The following RERE variants were observed in gnomAD, a reference collection of about 807,000 sequenced individuals.
The protein encoded by RERE is arginine-glutamic acid dipeptide repeats.
A neutral mutation model predicts 146.1 loss-of-function variants in RERE; 40 were observed. That is an observed-to-expected ratio of 0.27 (90% confidence interval 0.21 to 0.36). RERE has a LOEUF of 0.36. Ranked by LOEUF, RERE falls within the 10% of genes least tolerant of loss-of-function variation. The pLI, the probability that RERE is intolerant of heterozygous loss-of-function variation, is 1.00. For missense variants in RERE, 1,933 were observed against 2,138.7 expected (o/e 0.90, Z 1.90); for synonymous variants, 1,003 against 866.0 (o/e 1.16, Z -2.78).
intron 10 of RERE, among the ~76,000 whole-genome samples, chr1:8,488,021 C>T (rs1019200392): frequency 4.7e-5 from 7 of 149,620 alleles, no homozygotes; most frequent in South Asian, 2.1e-4. Flanking sequence ...CAGGAGATCA[C>T]GTGAGCCAAG....
chr1:8,466,285 C>T (rs1163010566), intron 10 of RERE, among the ~76,000 whole-genome samples: 1 of 152,138 alleles, frequency 6.6e-6, no homozygotes, highest in African/African-American at 2.4e-5. Context: ...CCCCTATATT[C>T]CCATAAAGCA....
At chr1:8,600,523 C>G (rs953957336) in intron 4 of RERE, among the ~76,000 whole-genome samples, 2 of 152,032 alleles carry the variant, frequency 1.3e-5, no homozygotes, top group African/African-American at 4.8e-5. Context: ...TGTAATATAT[C>G]CAAGACAATG....
At position 8,358,440 on chromosome 1, in the gene RERE, A is replaced by G. The variant is rs1641389739; in HGVS notation, c.4095T>C (p.Ala1365=). ...AGGGGTTCAGGCCCGGGTGGAAAGA[A>G]GCAAAAGGGTGGGGCCCGGCGGTCG... The part of the protein sequence containing the change: ...IPPTAGPHPF[A]SFHPGLNPLE... Residue 1365 remains alanine (A), a synonymous_variant, in exon 20 of 23, where the codon GCT becomes GCC. Coordinates refer to ENST00000400908, the MANE Select transcript of RERE (RefSeq NM_001042681.2). 1 of 1,592,092 alleles carries G rather than the reference A, an allele frequency of 6.3e-7. No individual in the cohort carries two copies. The highest frequency in any genetic ancestry group is 8.6e-7 in the Non-Finnish European group (1 of 1,165,862).
chr1:8,389,423 T>C (rs956512055), intron 12 of RERE, among the ~76,000 whole-genome samples: 1 of 152,214 alleles, frequency 6.6e-6, no homozygotes, highest in African/African-American at 2.4e-5. Context: ...GAAACCTCTG[T>C]GCCACCCCGT....
intron 12 of RERE, among the ~76,000 whole-genome samples, chr1:8,402,016 G>A (rs559963126): frequency 1.6e-4 from 24 of 152,186 alleles, no homozygotes; most frequent in African/African-American, 5.8e-4. Context: ...GGCTACAGGC[G>A]TGCGCCACCA....
intron 4 of RERE, among the ~76,000 whole-genome samples, chr1:8,576,516 A>C (rs1646296725): frequency 1.3e-5 from 2 of 152,230 alleles, no homozygotes; most frequent in South Asian, 4.1e-4. Context: ...TGAACTATTT[A>C]ATGAGTTTGT....
chr1:8,555,624 G>A (rs1645998465), intron 6 of RERE, among the ~76,000 whole-genome samples: 2 of 152,076 alleles, frequency 1.3e-5, no homozygotes, highest in African/African-American at 4.8e-5. Flanking sequence ...AAAAAAAGTA[G>A]TCTTTCACCA....
rs78979984 is a variant in RERE, at chr1:8,365,451, A to G, written c.1447+361T>C. Among the ~76,000 whole-genome samples the G allele has an allele frequency of 2.5e-4, 38 of 152,338 alleles. No homozygotes were observed. The East Asian group carries it at 7.1e-3, about 29-fold the overall frequency. ...TGATCTTCTTACAACCAAAAGTGCA[A>G]TGAGAATTCAAGCAGGACATCAAGT... On this transcript the variant is annotated intron_variant, in intron 13 of 22. Coordinates refer to ENST00000400908, the MANE Select transcript of RERE (RefSeq NM_001042681.2).
chr1:8,620,269 G>C (rs1646901563), intron 3 of RERE, among the ~76,000 whole-genome samples: 1 of 152,132 alleles, frequency 6.6e-6, no homozygotes, highest in African/African-American at 2.4e-5. Context: ...TAAGAATCCT[G>C]TGGGAAGAAC....
Position 8,354,955 on chromosome 1 carries a change from G to A in RERE, c.*132C>T. Reference sequence around the variant, plus strand: ...ACTATGTGGATACATTTTTAGTTGTGGGTTTTTAAATATATAAAGAAATCT... The same window carrying A: ...ACTATGTGGATACATTTTTAGTTGTAGGTTTTTAAATATATAAAGAAATCT... On this transcript the variant is annotated 3_prime_UTR_variant, in exon 23 of 23. Transcript: ENST00000400908. The A allele has an allele frequency of 1.4e-6, 1 of 733,422 alleles. No individual in the cohort carries two copies. Among genetic ancestry groups the A allele is most frequent in the Non-Finnish European group, 2.3e-6 (1 of 442,870 alleles). 45.4% of individuals were successfully genotyped at this position (733,422 alleles called of 1,614,324 possible).
intron 12 of RERE, among the ~76,000 whole-genome samples, chr1:8,376,064 G>A (rs1642236391): frequency 6.6e-6 from 1 of 152,220 alleles, no homozygotes; most frequent in Non-Finnish European, 1.5e-5. Context: ...GCCAAGCTCA[G>A]TTTCAATGAA....
intron 12 of RERE, among the ~76,000 whole-genome samples, chr1:8,421,991 G>A (rs1643916560): frequency 6.6e-6 from 1 of 152,152 alleles, no homozygotes; most frequent in Non-Finnish European, 1.5e-5. Context: ...ACACCACCAG[G>A]GAAGGAGATG....
intron 4 of RERE, among the ~76,000 whole-genome samples, chr1:8,586,745 T>C (rs765712177): frequency 5.3e-5 from 8 of 152,160 alleles, no homozygotes; most frequent in Non-Finnish European, 1.0e-4. Context: ...TTATGTGGTT[T>C]CTAGCTGAAA....
At chr1:8,686,896 T>G (rs1020471542) in intron 1 of RERE, among the ~76,000 whole-genome samples, 1 of 152,090 alleles carries the variant, frequency 6.6e-6, no homozygotes, top group Non-Finnish European at 1.5e-5. Flanking sequence ...CTACAGATAT[T>G]TGGAGAAACA....
chr1:8,482,523 CA>C (rs1014932279), intron 10 of RERE, among the ~76,000 whole-genome samples: 2 of 149,210 alleles, frequency 1.3e-5, no homozygotes, highest in Admixed American at 6.7e-5. Context: ...ACTAAAAATA[CA>C]AAAAAAAATT....
intron 10 of RERE, among the ~76,000 whole-genome samples, chr1:8,477,153 A>G (rs1440376836): frequency 1.3e-5 from 2 of 152,194 alleles, no homozygotes; most frequent in Non-Finnish European, 2.9e-5. Context: ...CATAGTTAAC[A>G]TGTCTACAGC....
chr1:8,454,719 C>T (rs2124085122), intron 11 of RERE, among the ~76,000 whole-genome samples: 1 of 152,026 alleles, frequency 6.6e-6, no homozygotes, highest in Admixed American at 6.5e-5. Context: ...GCGGGAGGAT[C>T]GCTTGAACCT....
At chr1:8,664,350 C>T (rs1638523822) in intron 1 of RERE, among the ~76,000 whole-genome samples, 1 of 152,068 alleles carries the variant, frequency 6.6e-6, no homozygotes, top group Non-Finnish European at 1.5e-5. Context: ...TGGGGCACTC[C>T]CTCTTTTCTC....
intron 12 of RERE, among the ~76,000 whole-genome samples, chr1:8,416,853 G>A (rs116233722): frequency 6.6e-6 from 1 of 152,090 alleles, no homozygotes; most frequent in Non-Finnish European, 1.5e-5. Context: ...GAATCCTCTG[G>A]GGGGTCCGTT....
Sources: gnomAD v4.1 joint callset for allele counts (sites outside exome capture counted in the v4.1 genomes callset) on GRCh38, gnomAD v4.1.1 for gene constraint, MANE v1.5 for transcripts, NCBI Gene and HGNC (gene_info 2026-07-23, HGNC 2026-07-21) for gene names.